SNTB2: variants seen among roughly 807,000 people sequenced by gnomAD.
The protein encoded by SNTB2 is syntrophin beta 2, also known as beta-2-syntrophin.
SNTB2 carries 34 observed loss-of-function variants against 46.2 expected under a neutral mutation model. The observed-to-expected ratio is 0.74, with a 90% confidence interval of 0.56 to 0.98. The LOEUF is 0.98. Among genes scored for constraint, SNTB2 ranks in the 50% least tolerant of loss-of-function variants. The probability of loss-of-function intolerance (pLI) is 0.00; values close to 1 mark genes in which losing one functional copy is unlikely to be tolerated. For synonymous variants in SNTB2, 290 were observed against 312.6 expected, an observed-to-expected ratio of 0.93 and a Z score of 0.76; for missense variants, 603 against 731.4, an observed-to-expected ratio of 0.82 and a Z score of 2.02.
chr16:69,243,928 A>ACTTTTC (rs1964643293), intron 1 of SNTB2, among the ~76,000 whole-genome samples: 1 of 152,234 alleles, frequency 6.6e-6, no homozygotes. Context: ...ATCTTTTTTA[A>ACTTTTC]TAACGTATAA....
chr16:69,192,765 A>G (rs1234122622), intron 1 of SNTB2, among the ~76,000 whole-genome samples: 1 of 152,054 alleles, frequency 6.6e-6, no homozygotes, highest in Non-Finnish European at 1.5e-5. Context: ...GTGTAAAAAC[A>G]AAACTCGTGA....
At chr16:69,188,501 C>A (rs768280072) in intron 1 of SNTB2, among the ~76,000 whole-genome samples, 2 of 152,196 alleles carry the variant, frequency 1.3e-5, no homozygotes, top group Non-Finnish European at 2.9e-5. Context: ...CAGGATTATT[C>A]TTTACGTTAA....
intron 5 of SNTB2, among the ~76,000 whole-genome samples, chr16:69,292,230 C>G (rs888985441): frequency 6.7e-6 from 1 of 149,156 alleles, no homozygotes; most frequent in African/African-American, 2.5e-5. Flanking sequence ...GAGCGAGACT[C>G]TGTCTCAAAA....
chr16:69,201,323 A>G (rs992115543), intron 1 of SNTB2, among the ~76,000 whole-genome samples: 3 of 152,222 alleles, frequency 2.0e-5, no homozygotes, highest in Admixed American at 2.0e-4. Context: ...CACTAAGCCA[A>G]AAAGTTGCCA....
At chr16:69,286,411 C>T (rs367583061) in intron 5 of SNTB2, among the ~76,000 whole-genome samples, 1 of 152,064 alleles carries the variant, frequency 6.6e-6, no homozygotes, top group East Asian at 1.9e-4. Context: ...AAGCTGGGTA[C>T]ACTGGCTCAT....
At chr16:69,192,014 G>A (rs1406688207) in intron 1 of SNTB2, among the ~76,000 whole-genome samples, 2 of 152,182 alleles carry the variant, frequency 1.3e-5, no homozygotes, top group Admixed American at 1.3e-4. Context: ...AACAGAAAGA[G>A]TGAGAGGTTG....
At chr16:69,239,717 G>GT (rs1414102531) in intron 1 of SNTB2, among the ~76,000 whole-genome samples, 1 of 151,830 alleles carries the variant, frequency 6.6e-6, no homozygotes, top group Non-Finnish European at 1.5e-5. Flanking sequence ...GCTAATTTTT[G>GT]TTTTTTTAGC....
chr16:69,296,104 A>G (rs1322983885), intron 5 of SNTB2, among the ~76,000 whole-genome samples: 1 of 151,518 alleles, frequency 6.6e-6, no homozygotes, highest in Non-Finnish European at 1.5e-5. Context: ...ACATGGAGAA[A>G]CCCCATCTCT....
chr16:69,187,773 G>GGGGGGGGGGGGGGGGGGGGGGGGGGC, intron 1 of SNTB2, 27 bp downstream of exon 1: 3 of 331,856 alleles, frequency 9.0e-6, no homozygotes, highest in African/African-American at 2.5e-5. Context: ...GGGAGGGTGG[G>GGGGGGGGGGGGGGGGGGGGGGGGGGC]CAGGCCGCGG....
chr16:69,222,996 C>A (rs1964421814), intron 1 of SNTB2, among the ~76,000 whole-genome samples: 1 of 152,002 alleles, frequency 6.6e-6, no homozygotes, highest in South Asian at 2.1e-4. Flanking sequence ...AGTGGCCAGG[C>A]TGGTCTCAAA....
intron 3 of SNTB2, among the ~76,000 whole-genome samples, chr16:69,261,658 G>A (rs1964835641): frequency 6.6e-6 from 1 of 151,940 alleles, no homozygotes; most frequent in Non-Finnish European, 1.5e-5. Flanking sequence ...GTTTATCATT[G>A]TTTCTATATT....
chr16:69,253,682 C>T (rs955358872), intron 2 of SNTB2, among the ~76,000 whole-genome samples: 1 of 152,134 alleles, frequency 6.6e-6, no homozygotes, highest in African/African-American at 2.4e-5. Context: ...AGCTGTTTAA[C>T]TGTCAGTGGG....
chr16:69,187,547 C>A lies in SNTB2; in HGVS notation c.381C>A (p.Gly127=). The A allele has an allele frequency of 6.9e-7, 1 of 1,448,866 alleles. No homozygotes were observed. Among genetic ancestry groups the A allele is most frequent in the Non-Finnish European group, 9.1e-7 (1 of 1,095,316 alleles). The allele number at this position is 1,448,866 out of a possible 1,614,324, so 89.8% of individuals were successfully genotyped here. A position where few individuals can be genotyped will look rare whatever the true frequency, so the allele number is the denominator to read the frequency against. The part of the protein sequence containing the change: ...RVVKQEAGGL[G]ISIKGGRENR... ...TGAAGCAAGAGGCGGGCGGCCTGGG[C>A]ATCAGCATCAAGGGCGGCCGCGAGA... Residue 127 remains glycine, a synonymous_variant, in exon 1 of 7, where the codon GGC becomes GGA. Coordinates refer to ENST00000336278, the MANE Select transcript of SNTB2 (RefSeq NM_006750.4).
At chr16:69,192,893 C>T (rs2152288564) in intron 1 of SNTB2, among the ~76,000 whole-genome samples, 1 of 152,146 alleles carries the variant, frequency 6.6e-6, no homozygotes, top group East Asian at 1.9e-4. Context: ...CAAGACATTG[C>T]TAGAATGCTA....
intron 3 of SNTB2, 81 bp from the exon 4 acceptor site, chr16:69,270,062 G>A: frequency 6.6e-7 from 1 of 1,519,326 alleles, no homozygotes; most frequent in Middle Eastern, 1.7e-4. Context: ...GAGACCCATT[G>A]TGTTAGGCCA....
chr16:69,258,522 T>C (rs1964800038), intron 2 of SNTB2, among the ~76,000 whole-genome samples: 1 of 151,858 alleles, frequency 6.6e-6, no homozygotes, highest in African/African-American at 2.4e-5. Context: ...CCTAATTCAC[T>C]GGAGGAGTAA....
intron 4 of SNTB2, among the ~76,000 whole-genome samples, chr16:69,279,701 AT>A (rs79254687): frequency 0.33 from 49,542 of 148,006 alleles, 8,845 homozygotes; most frequent in African/African-American, 0.45. Flanking sequence ...AATTTTTTGT[AT>A]TTTTTTTAAT....
chr16:69,197,943 G>A (rs929782010), intron 1 of SNTB2, among the ~76,000 whole-genome samples: 1 of 151,976 alleles, frequency 6.6e-6, no homozygotes, highest in Non-Finnish European at 1.5e-5. Context: ...TTTTTACAAT[G>A]AACACAAAGT....
chr16:69,253,088 A>G (rs1964741329), intron 2 of SNTB2, among the ~76,000 whole-genome samples: 1 of 151,018 alleles, frequency 6.6e-6, no homozygotes, highest in Non-Finnish European at 1.5e-5. Context: ...TTTAGTAGAG[A>G]TGGGGTTTCA....
Sources: allele counts gnomAD v4.1 joint callset (sites outside exome capture counted in the v4.1 genomes callset), GRCh38; gene constraint gnomAD v4.1.1; transcripts MANE v1.5; gene names NCBI Gene and HGNC (gene_info 2026-07-23, HGNC 2026-07-21).